Variants in GHR observed in about 807,000 individuals in gnomAD.
GHR encodes growth hormone receptor, also known as GH receptor.
A neutral mutation model predicts 67.1 loss-of-function variants in GHR; 35 were observed. The observed-to-expected ratio is 0.52, with a 90% confidence interval of 0.40 to 0.69. The LOEUF is 0.69. Among genes scored for constraint, GHR ranks in the 30% least tolerant of loss-of-function variants. The probability of loss-of-function intolerance (pLI) is 0.00; values close to 1 mark genes in which losing one functional copy is unlikely to be tolerated. For synonymous variants in GHR, 272 were observed against 269.1 expected (o/e 1.01, Z -0.10); for missense variants, 792 against 764.6 (o/e 1.04, Z -0.42).
At chr5:42,618,007 T>C (rs1753252479) in intron 2 of GHR, among the ~76,000 whole-genome samples, 1 of 152,064 alleles carries the variant, frequency 6.6e-6, no homozygotes, top group Non-Finnish European at 1.5e-5. Context: ...AAATTTTAAC[T>C]GAAGTTAGAT....
chr5:42,536,172 T>C (rs527526756), intron 1 of GHR, among the ~76,000 whole-genome samples: 2 of 152,280 alleles, frequency 1.3e-5, no homozygotes, highest in East Asian at 3.9e-4. Flanking sequence ...TCTCATCTGA[T>C]TGCTCTGGCT....
At chr5:42,592,264 A>G (rs554828690) in intron 2 of GHR, among the ~76,000 whole-genome samples, 2 of 152,152 alleles carry the variant, frequency 1.3e-5, no homozygotes, top group African/African-American at 4.8e-5. Context: ...TGTTTTTTTA[A>G]TTTAACTTCT....
At chr5:42,428,054 T>C (rs554328432) in intron 1 of GHR, among the ~76,000 whole-genome samples, 3 of 152,334 alleles carry the variant, frequency 2.0e-5, no homozygotes, top group African/African-American at 7.2e-5. Context: ...GGACTCTGTG[T>C]AGAGGATCCA....
chr5:42,477,152 G>C (rs935332387), intron 1 of GHR, among the ~76,000 whole-genome samples: 2 of 150,670 alleles, frequency 1.3e-5, no homozygotes, highest in African/African-American at 2.4e-5. Flanking sequence ...TTTTCCTTGC[G>C]ATACTTTGCT....
chr5:42,555,184 A>T (rs1749242114), intron 1 of GHR, among the ~76,000 whole-genome samples: 1 of 152,184 alleles, frequency 6.6e-6, no homozygotes, highest in Non-Finnish European at 1.5e-5. Flanking sequence ...TCATGGAGAG[A>T]GCACACTGCA....
intron 1 of GHR, among the ~76,000 whole-genome samples, chr5:42,476,512 C>A (rs991009654): frequency 1.1e-4 from 17 of 152,210 alleles, no homozygotes; most frequent in African/African-American, 3.9e-4. Flanking sequence ...AGCCACTGCA[C>A]CTGGCCTAAA....
intron 2 of GHR, among the ~76,000 whole-genome samples, chr5:42,581,205 T>C (rs1226959185): frequency 1.3e-5 from 2 of 152,192 alleles, no homozygotes; most frequent in East Asian, 1.9e-4. Flanking sequence ...CACATTATGA[T>C]GGAGAGGAAT....
At chr5:42,477,236 A>G (rs1465427727) in intron 1 of GHR, among the ~76,000 whole-genome samples, 1 of 152,074 alleles carries the variant, frequency 6.6e-6, no homozygotes, top group African/African-American at 2.4e-5. Flanking sequence ...GCTGCATAGT[A>G]TTCCATGGTG....
intron 1 of GHR, among the ~76,000 whole-genome samples, chr5:42,545,380 AAG>A (rs1748692212): frequency 6.6e-6 from 1 of 152,178 alleles, no homozygotes; most frequent in South Asian, 2.1e-4. Flanking sequence ...AAAAAATAAT[AAG>A]AGACAACTTT....
chr5:42,671,453 C>T (rs529482859), intron 3 of GHR, among the ~76,000 whole-genome samples: 72 of 152,044 alleles, frequency 4.7e-4, no homozygotes, highest in Non-Finnish European at 6.0e-4. Context: ...TATATGTCAA[C>T]ATGAGATTTG....
intron 1 of GHR, among the ~76,000 whole-genome samples, chr5:42,430,542 C>G (rs1404636331): frequency 6.6e-6 from 1 of 151,596 alleles, no homozygotes; most frequent in Non-Finnish European, 1.5e-5. Context: ...TTTGAGAGAC[C>G]TTTGATCAAG....
At chr5:42,581,954 C>G (rs1260134450) in intron 2 of GHR, among the ~76,000 whole-genome samples, 3 of 152,252 alleles carry the variant, frequency 2.0e-5, no homozygotes, top group African/African-American at 7.2e-5. Context: ...CCAGCACCCG[C>G]TCCGGGGTGA....
intron 1 of GHR, chr5:42,548,232 T>TGA: frequency 1.0e-6 from 1 of 984,562 alleles, no homozygotes; most frequent in Non-Finnish European, 1.2e-6. Flanking sequence ...TGTGTGTGCA[T>TGA]GAGAGAGAGA....
At chr5:42,428,620 T>G (rs1411635557) in intron 1 of GHR, among the ~76,000 whole-genome samples, 1 of 152,172 alleles carries the variant, frequency 6.6e-6, no homozygotes, top group Non-Finnish European at 1.5e-5. Flanking sequence ...CTTTGCTGCT[T>G]CTAAATTTCT....
At chr5:42,674,505 C>A (rs2112914782) in intron 3 of GHR, among the ~76,000 whole-genome samples, 2 of 152,232 alleles carry the variant, frequency 1.3e-5, no homozygotes, top group South Asian at 4.1e-4. Context: ...TAGTCACTCC[C>A]AGTTTCCCAT....
chr5:42,470,802 G>A (rs986555175), intron 1 of GHR, among the ~76,000 whole-genome samples: 16 of 152,152 alleles, frequency 1.1e-4, no homozygotes, highest in Non-Finnish European at 2.1e-4. Context: ...AATGAATTTA[G>A]TTTGAATCTA....
intron 2 of GHR, among the ~76,000 whole-genome samples, chr5:42,584,747 A>G (rs1751379643): frequency 6.6e-6 from 1 of 152,030 alleles, no homozygotes; most frequent in Non-Finnish European, 1.5e-5. Flanking sequence ...TGCTGTTAGA[A>G]CACTCATACA....
chr5:42,570,622 A>T (rs1750242445), intron 2 of GHR, among the ~76,000 whole-genome samples: 2 of 152,210 alleles, frequency 1.3e-5, no homozygotes, highest in Non-Finnish European at 2.9e-5. Context: ...TACTAGCTTC[A>T]AACAATCCTT....
chr5:42,474,257 CAGAAAG>C (rs1420286529), intron 1 of GHR, among the ~76,000 whole-genome samples: 50 of 88,038 alleles, frequency 5.7e-4, no homozygotes, highest in African/African-American at 1.7e-3. Flanking sequence ...GAAAGACAGA[CAGAAAG>C]AAAGAAAGAA....
Sources: gnomAD v4.1 joint callset for allele counts (sites outside exome capture counted in the v4.1 genomes callset) on GRCh38, gnomAD v4.1.1 for gene constraint, MANE v1.5 for transcripts, NCBI Gene and HGNC (gene_info 2026-07-23, HGNC 2026-07-21) for gene names.